Variants in ASB7 observed in about 807,000 individuals in gnomAD.
The protein encoded by ASB7 is ankyrin repeat and SOCS box protein 7.
Under a neutral mutation model 32.5 loss-of-function variants are expected in ASB7, and 4 were observed. The observed-to-expected ratio is 0.12, with a 90% CI of 0.06 to 0.28. The LOEUF (loss-of-function observed/expected upper bound fraction) is 0.28, where lower values mean the gene tolerates loss of function less well. ASB7 is among the 10% of genes least tolerant of loss of function. The pLI is 1.00. For missense variants in ASB7, 181 were observed against 407.1 expected, an observed-to-expected ratio of 0.44 and a Z score of 4.78; for synonymous variants, 172 against 155.6, an observed-to-expected ratio of 1.11 and a Z score of -0.78.
At chr15:100,639,854 A>C (rs1473802442) in intron 5 of ASB7, among the ~76,000 whole-genome samples, 1 of 152,214 alleles carries the variant, frequency 6.6e-6, no homozygotes, top group South Asian at 2.1e-4. Flanking sequence ...TTTTTAATAT[A>C]GGCATCTAGA....
intron 5 of ASB7, among the ~76,000 whole-genome samples, chr15:100,634,297 G>A (rs376215576): frequency 6.6e-6 from 1 of 152,226 alleles, no homozygotes; most frequent in Admixed American, 6.5e-5. Context: ...TAGCAGGAAC[G>A]TTTAATCATA....
At chr15:100,603,525 C>G (rs1448212468) in intron 2 of ASB7, among the ~76,000 whole-genome samples, 1 of 148,812 alleles carries the variant, frequency 6.7e-6, no homozygotes, top group African/African-American at 2.5e-5. Context: ...TTCCCACTTT[C>G]TTTCTGTACA....
chr15:100,637,413 G>A (rs1396603616), intron 5 of ASB7, among the ~76,000 whole-genome samples: 2 of 152,200 alleles, frequency 1.3e-5, no homozygotes, highest in Non-Finnish European at 1.5e-5. Context: ...TGTGAGATTC[G>A]TAGTATCTAG....
At chr15:100,640,351 G>A (rs1031473162) in intron 5 of ASB7, among the ~76,000 whole-genome samples, 8 of 152,140 alleles carry the variant, frequency 5.3e-5, no homozygotes, top group African/African-American at 1.7e-4. Flanking sequence ...CGCCATGATG[G>A]TCAGGCTGGT....
intron 4 of ASB7, among the ~76,000 whole-genome samples, chr15:100,623,884 T>A (rs2039813944): frequency 6.6e-6 from 1 of 152,246 alleles, no homozygotes; most frequent in Non-Finnish European, 1.5e-5. Flanking sequence ...AAGGAATACC[T>A]GCACTTGTGT....
At chr15:100,630,350 C>T (rs1450967860) in intron 5 of ASB7, 2 of 336,312 alleles carry the variant, frequency 5.9e-6, no homozygotes, top group Non-Finnish European at 9.4e-6. Flanking sequence ...CAAGGCAATT[C>T]CTGTTGGTCA....
intron 5 of ASB7, chr15:100,645,678 C>G (rs1337864161): frequency 1.3e-6 from 2 of 1,490,992 alleles, no homozygotes; most frequent in South Asian, 2.3e-5. Flanking sequence ...GACGGCAACA[C>G]GAAAGAACCA....
chr15:100,608,877 C>G (rs959530733), intron 2 of ASB7, among the ~76,000 whole-genome samples: 5 of 152,168 alleles, frequency 3.3e-5, no homozygotes, highest in Non-Finnish European at 7.3e-5. Context: ...GCAGGACATA[C>G]AACTGCTGCG....
At chr15:100,604,035 TC>T (rs1236421408) in intron 2 of ASB7, among the ~76,000 whole-genome samples, 3 of 152,228 alleles carry the variant, frequency 2.0e-5, no homozygotes, top group African/African-American at 7.2e-5. Context: ...CCTCAGATTT[TC>T]TAGGAGAACT....
chr15:100,641,138 T>G (rs1427234783), intron 5 of ASB7, among the ~76,000 whole-genome samples: 1 of 152,144 alleles, frequency 6.6e-6, no homozygotes, highest in Non-Finnish European at 1.5e-5. Flanking sequence ...GTGTGCACAT[T>G]TGTATTGATT....
intron 4 of ASB7, among the ~76,000 whole-genome samples, chr15:100,623,264 G>A (rs377760503): frequency 3.8e-4 from 58 of 152,104 alleles, no homozygotes; most frequent in Non-Finnish European, 2.6e-4. Context: ...CTGGGCCCAC[G>A]TGGTGGTGGA....
chr15:100,648,162 T>G (rs1157516773), intron 5 of ASB7, among the ~76,000 whole-genome samples, 161 bp from the exon 6 acceptor site: 1 of 152,194 alleles, frequency 6.6e-6, no homozygotes, highest in African/African-American at 2.4e-5. Flanking sequence ...AAATAAGGCA[T>G]CGCATGAAGG....
intron 4 of ASB7, among the ~76,000 whole-genome samples, chr15:100,621,447 T>A (rs906986048): frequency 3.3e-5 from 5 of 152,206 alleles, no homozygotes; most frequent in Admixed American, 6.5e-5. Context: ...TATAATTTTT[T>A]AAAAATGTGT....
chr15:100,638,101 C>T (rs887182430), intron 5 of ASB7, among the ~76,000 whole-genome samples: 5 of 151,952 alleles, frequency 3.3e-5, no homozygotes, highest in South Asian at 4.1e-4. Flanking sequence ...TTGAGCTTCT[C>T]CAATTTTAAA....
chr15:100,616,388 C>T (rs963397490), intron 4 of ASB7, among the ~76,000 whole-genome samples: 7 of 152,126 alleles, frequency 4.6e-5, no homozygotes. Flanking sequence ...TTAGCCTTAT[C>T]GTTTGTGCCC....
At chr15:100,616,904 T>C (rs2039748824) in intron 4 of ASB7, among the ~76,000 whole-genome samples, 1 of 152,218 alleles carries the variant, frequency 6.6e-6, no homozygotes, top group East Asian at 1.9e-4. Context: ...GTTTAATGTC[T>C]GCACTCTCAT....
At chr15:100,617,662 C>G (rs1389587394) in intron 4 of ASB7, among the ~76,000 whole-genome samples, 1 of 152,232 alleles carries the variant, frequency 6.6e-6, no homozygotes, top group African/African-American at 2.4e-5. Context: ...TGTTATCCCT[C>G]TGTTATATGA....
intron 4 of ASB7, among the ~76,000 whole-genome samples, chr15:100,620,789 A>G (rs1217239088): frequency 2.6e-5 from 4 of 152,250 alleles, no homozygotes; most frequent in African/African-American, 9.6e-5. Flanking sequence ...GGACATTTCA[A>G]GAAAATAACG....
intron 5 of ASB7, chr15:100,646,550 T>G: frequency 2.4e-6 from 1 of 408,944 alleles, no homozygotes; most frequent in Non-Finnish European, 5.0e-6. Context: ...TAATTGATGA[T>G]GTTACTAAGG....
Sources: gnomAD v4.1 joint callset for allele counts (sites outside exome capture counted in the v4.1 genomes callset) on GRCh38, gnomAD v4.1.1 for gene constraint, MANE v1.5 for transcripts, NCBI Gene and HGNC (gene_info 2026-07-23, HGNC 2026-07-21) for gene names.